The following ESF1 variants were observed in gnomAD, a reference collection of about 807,000 sequenced individuals.
ESF1 encodes ESF1 homolog.
ESF1 carries 58 observed loss-of-function variants against 92.0 expected under a neutral mutation model. That is an observed-to-expected ratio of 0.63 (90% CI 0.51 to 0.78). The LOEUF (loss-of-function observed/expected upper bound fraction) is 0.78. Among genes scored for constraint, ESF1 ranks in the 30% least tolerant of loss-of-function variants. The pLI is 0.00. For synonymous variants in ESF1, 321 were observed against 313.7 expected (o/e 1.02, Z -0.24); for missense variants, 922 against 989.1 (o/e 0.93, Z 0.91).
chr20:13,743,011 C>A (rs543943553), intron 9 of ESF1, among the ~76,000 whole-genome samples: 190 of 152,230 alleles, frequency 1.2e-3, no homozygotes, highest in African/African-American at 4.4e-3. Flanking sequence ...TTTCAAGGTT[C>A]ATCTATGTTG....
chr20:13,717,381 T>G lies in ESF1; in HGVS notation c.2249A>C (p.Glu750Ala). ...GTCTATGGTTACCTCAAAGTCATCC[T>G]CTATTAATTCCTTCTTTTTCATGAG... The part of the protein sequence containing the change: ...KQLMKKKELI[E>A]DDFEVNVNDA... The change falls in exon 13 of 14, where the codon GAG becomes GCG. Residue 750 changes from glutamate (E) to alanine (A), a missense_variant. Glu to Ala is a moderately radical substitution (Grantham distance 107, BLOSUM62 -1). Coordinates refer to ENST00000617257, the MANE Select transcript of ESF1 (RefSeq NM_001276380.2). The G allele has an allele frequency of 6.2e-7, 1 of 1,614,088 alleles. No individual in the cohort carries two copies. Among genetic ancestry groups the G allele is most frequent in the South Asian group, 1.1e-5 (1 of 91,070 alleles).
chr20:13,744,579 C>T (rs2050035900), intron 9 of ESF1, among the ~76,000 whole-genome samples: 2 of 152,292 alleles, frequency 1.3e-5, no homozygotes, highest in Non-Finnish European at 2.9e-5. Flanking sequence ...GCTTTCCATA[C>T]CCTGGCTAAC....
chr20:13,721,990 T>G (rs934198107), intron 11 of ESF1, among the ~76,000 whole-genome samples: 6 of 152,326 alleles, frequency 3.9e-5, no homozygotes, highest in Admixed American at 3.9e-4. Flanking sequence ...TCCCTAAATT[T>G]ACCACTGCTC....
At chr20:13,739,819 T>C (rs1335624670) in intron 9 of ESF1, among the ~76,000 whole-genome samples, 3 of 151,762 alleles carry the variant, frequency 2.0e-5, no homozygotes, top group Non-Finnish European at 4.4e-5. Flanking sequence ...TATGGTCTTA[T>C]ATGGATCTTT....
intron 4 of ESF1, 56 bp from the exon 5 acceptor site, chr20:13,772,671 T>C: frequency 7.9e-7 from 1 of 1,270,662 alleles, no homozygotes; most frequent in Non-Finnish European, 1.1e-6. Flanking sequence ...CACAAATATC[T>C]AGACCTGTCG....
intron 11 of ESF1, among the ~76,000 whole-genome samples, chr20:13,720,518 G>C (rs960290379): frequency 6.6e-6 from 1 of 152,156 alleles, no homozygotes; most frequent in Non-Finnish European, 1.5e-5. Flanking sequence ...ATAGTGGACC[G>C]AGTGGCAAGG....
At chr20:13,766,659 C>T in intron 8 of ESF1, 118 bp downstream of exon 8, 2 of 910,562 alleles carry the variant, frequency 2.2e-6, no homozygotes. Flanking sequence ...CAATCACTAT[C>T]TACAGGTATA....
At chr20:13,730,055 C>CT (rs1367921628) in intron 10 of ESF1, among the ~76,000 whole-genome samples, 1 of 151,716 alleles carries the variant, frequency 6.6e-6, no homozygotes, top group African/African-American at 2.4e-5. Context: ...CATTAATGTC[C>CT]TTTTAAGAAC....
intron 9 of ESF1, among the ~76,000 whole-genome samples, chr20:13,734,394 T>G (rs1374472609): frequency 6.6e-6 from 1 of 152,204 alleles, no homozygotes; most frequent in African/African-American, 2.4e-5. Context: ...CAATCTTTTC[T>G]CAAGCATTCT....
intron 2 of ESF1, among the ~76,000 whole-genome samples, chr20:13,778,779 G>C (rs568662083): frequency 2.5e-4 from 38 of 152,286 alleles, no homozygotes; most frequent in African/African-American, 8.9e-4. Context: ...GAGCACAGCT[G>C]CTCACGCCTG....
intron 8 of ESF1, among the ~76,000 whole-genome samples, chr20:13,760,411 C>A (rs1273920235): frequency 6.7e-6 from 1 of 148,740 alleles, no homozygotes; most frequent in South Asian, 2.1e-4. Context: ...CCTGCCGCCC[C>A]GTCTGGGGTG....
chr20:13,716,648 T>C (rs2049827873), intron 13 of ESF1, among the ~76,000 whole-genome samples: 1 of 149,786 alleles, frequency 6.7e-6, no homozygotes, highest in South Asian at 2.1e-4. Flanking sequence ...TTTTCTTTTT[T>C]TTTTTTTTTT....
At chr20:13,742,014 G>T (rs116681627) in intron 9 of ESF1, among the ~76,000 whole-genome samples, 2,794 of 152,256 alleles carry the variant, frequency 0.018, 91 homozygotes, top group African/African-American at 0.062. Flanking sequence ...GGTGACAAGA[G>T]AAATGCAAAT....
At chr20:13,726,668 A>G (rs2049902794) in intron 11 of ESF1, among the ~76,000 whole-genome samples, 1 of 152,182 alleles carries the variant, frequency 6.6e-6, no homozygotes, top group Non-Finnish European at 1.5e-5. Context: ...GAGGGATGCA[A>G]TCCTGTTTGT....
At chr20:13,722,591 TATA>T (rs2049875120) in intron 11 of ESF1, among the ~76,000 whole-genome samples, 1 of 152,136 alleles carries the variant, frequency 6.6e-6, no homozygotes, top group South Asian at 2.1e-4. Flanking sequence ...AGCTCACACC[TATA>T]ATCCCAGCAC....
chr20:13,762,157 T>TA (rs1195945085), intron 8 of ESF1, among the ~76,000 whole-genome samples: 1 of 152,142 alleles, frequency 6.6e-6, no homozygotes, highest in Non-Finnish European at 1.5e-5. Context: ...CCTTATATCT[T>TA]AAAAAAGTGA....
At chr20:13,716,875 T>A (rs1255893379) in intron 13 of ESF1, among the ~76,000 whole-genome samples, 1 of 138,258 alleles carries the variant, frequency 7.2e-6, no homozygotes. Flanking sequence ...TGGAGTGCAG[T>A]GGCGAGATCT....
At position 13,717,510 on chromosome 20, in the gene ESF1, T is replaced by C. The variant is rs1434988106; in HGVS notation, c.2120A>G (p.Glu707Gly). The C allele has an allele frequency of 6.2e-7, 1 of 1,613,870 alleles. No homozygotes were observed. The highest frequency in any genetic ancestry group is 1.7e-5 in the Admixed American group (1 of 60,008). Residue 707 changes from glutamate (E) to glycine (G), a missense_variant, in exon 13 of 14, where the codon GAA (glutamate) becomes GGA (glycine). Physicochemically the swap from Glu to Gly is moderately conservative, Grantham distance 98 (BLOSUM62 -2). Transcript: ENST00000617257. ...CTCATCCATCATAAGCAAAGCCATTTCAGCCTGTAGAGAGCAAAAAAAAGT... is the reference window on the plus strand; with the variant it reads ...CTCATCCATCATAAGCAAAGCCATTCCAGCCTGTAGAGAGCAAAAAAAAGT... ...EEIEIERQKA[E>G]MALLMMDEDE... is the part of the protein sequence containing the mutation.
chr20:13,721,897 T>C (rs558410350), intron 11 of ESF1, among the ~76,000 whole-genome samples: 1 of 152,128 alleles, frequency 6.6e-6, no homozygotes, highest in Non-Finnish European at 1.5e-5. Context: ...GAGTATAATC[T>C]TTCTCTGTCT....
Sources: allele counts gnomAD v4.1 joint callset (sites outside exome capture counted in the v4.1 genomes callset), GRCh38; gene constraint gnomAD v4.1.1; transcripts MANE v1.5; gene names NCBI Gene and HGNC (gene_info 2026-07-23, HGNC 2026-07-21).